TBCD: variants seen among roughly 807,000 people sequenced by gnomAD.
The protein encoded by TBCD is tubulin folding cofactor D.
TBCD carries 105 observed loss-of-function variants against 169.3 expected under a neutral mutation model. The observed-to-expected ratio is 0.62, with a 90% CI of 0.53 to 0.73. The LOEUF is 0.73. Among genes scored for constraint, TBCD ranks in the 30% least tolerant of loss-of-function variants. The probability of loss-of-function intolerance (pLI) is 0.00; values close to 1 mark genes in which losing one functional copy is unlikely to be tolerated. For synonymous variants in TBCD, 700 were observed against 643.9 expected, an observed-to-expected ratio of 1.09 and a Z score of -1.32; for missense variants, 1,444 against 1,600.1, an observed-to-expected ratio of 0.90 and a Z score of 1.66.
chr17:82,800,841 C>G (rs775761221), intron 8 of TBCD, 23 bp from the exon 9 acceptor site: 1 of 1,607,370 alleles, frequency 6.2e-7, no homozygotes, highest in Non-Finnish European at 8.5e-7. Flanking sequence ...CCTTCCTGCG[C>G]TGAGTCCAGT....
At chr17:82,761,856 G>T (rs1201952927) in intron 2 of TBCD, among the ~76,000 whole-genome samples, 1 of 151,586 alleles carries the variant, frequency 6.6e-6, no homozygotes, top group African/African-American at 2.4e-5. Context: ...CTCCCGAGTA[G>T]CTGGGACTAC....
chr17:82,934,567 G>T (rs1019801921), intron 34 of TBCD, among the ~76,000 whole-genome samples: 4 of 151,986 alleles, frequency 2.6e-5, no homozygotes, highest in African/African-American at 9.7e-5. Flanking sequence ...CTGCCTCCTG[G>T]GTTCAAGTGA....
intron 19 of TBCD, among the ~76,000 whole-genome samples, chr17:82,904,442 G>C (rs1295443769): frequency 6.6e-6 from 1 of 152,224 alleles, no homozygotes; most frequent in East Asian, 1.9e-4. Flanking sequence ...AGCGTGTATA[G>C]AAAGAAAAGG....
chr17:82,937,193 C>T (rs2147481510), intron 34 of TBCD, 78 bp from the exon 35 acceptor site: 1 of 1,384,774 alleles, frequency 7.2e-7, no homozygotes, highest in East Asian at 2.3e-5. Context: ...CGGAGTTGAC[C>T]TTCTTTGAGA....
At chr17:82,823,703 C>T (rs964987441) in intron 13 of TBCD, among the ~76,000 whole-genome samples, 3 of 152,020 alleles carry the variant, frequency 2.0e-5, no homozygotes, top group South Asian at 2.1e-4. Flanking sequence ...ATATGTAATT[C>T]GTCTACCATA....
intron 13 of TBCD, among the ~76,000 whole-genome samples, chr17:82,846,116 A>G (rs1469858713): frequency 6.6e-6 from 1 of 151,330 alleles, no homozygotes; most frequent in African/African-American, 2.4e-5. Flanking sequence ...TTCTAAAGGG[A>G]CTCAGGCCAG....
chr17:82,813,277 C>G (rs1454171975), intron 12 of TBCD, among the ~76,000 whole-genome samples: 2 of 152,216 alleles, frequency 1.3e-5, no homozygotes, highest in African/African-American at 2.4e-5. Context: ...CCTCCTCTCT[C>G]TCTCTCTCTC....
chr17:82,887,182 C>T (rs56265940), intron 15 of TBCD, among the ~76,000 whole-genome samples: 2,158 of 131,016 alleles, frequency 0.016, 31 homozygotes, highest in Middle Eastern at 0.065. Context: ...CGCGCGCGCA[C>T]GTGCGCTCAC....
chr17:82,794,278 G>A (rs919755322), intron 7 of TBCD, among the ~76,000 whole-genome samples: 4 of 152,048 alleles, frequency 2.6e-5, no homozygotes, highest in Admixed American at 6.5e-5. Context: ...TGGCTCGCAC[G>A]TTGCAGAGAA....
chr17:82,909,183 C>T (rs994485728), intron 21 of TBCD, 102 bp from the exon 22 acceptor site: 28 of 1,005,152 alleles, frequency 2.8e-5, no homozygotes, highest in Non-Finnish European at 2.2e-5. Context: ...GGCATGGCAT[C>T]TTCTGCCATT....
intron 22 of TBCD, among the ~76,000 whole-genome samples, chr17:82,910,740 A>G (rs2060579285): frequency 1.3e-5 from 2 of 151,858 alleles, no homozygotes; most frequent in Non-Finnish European, 2.9e-5. Flanking sequence ...TAATTTTTGT[A>G]TTTTTAGGAG....
At chr17:82,776,202 G>C (rs1335403509) in intron 6 of TBCD, among the ~76,000 whole-genome samples, 1 of 152,040 alleles carries the variant, frequency 6.6e-6, no homozygotes, top group Non-Finnish European at 1.5e-5. Context: ...CTGGGCAACA[G>C]AGCAAGACTC....
At chr17:82,753,859 A>G (rs2047252760) in intron 1 of TBCD, among the ~76,000 whole-genome samples, 2 of 138,786 alleles carry the variant, frequency 1.4e-5, no homozygotes, top group African/African-American at 5.5e-5. Context: ...AAGGGAGACT[A>G]GACTAGAGGT....
chr17:82,905,357 C>T (rs181858717), intron 19 of TBCD, among the ~76,000 whole-genome samples: 5 of 152,376 alleles, frequency 3.3e-5, no homozygotes, highest in Admixed American at 2.6e-4. Flanking sequence ...CCGCAGCCTC[C>T]GTCCTGTTGC....
rs1301969514 is a variant in TBCD at position 82,920,600 on chromosome 17, A to C, written c.2083A>C (p.Arg695=). Reference sequence around the variant, plus strand: ...GTTGTCACTTTCCAAAATGCCCTTTAGAGGTGACACCGTAATTGGTAAGTG... The same window carrying C: ...GTTGTCACTTTCCAAAATGCCCTTTCGAGGTGACACCGTAATTGGTAAGTG... ...EKLSLSKMPF[R]GDTVIDGWQW... The change falls in exon 24 of 39, where the codon AGA becomes CGA. Residue 695 remains arginine, a synonymous_variant. Transcript: ENST00000355528. This position sits in a 1 kb window ranked among gnomAD's most constrained non-coding sequence, Gnocchi z 4.1. 23 of 1,549,626 alleles carry C rather than the reference A, an allele frequency of 1.5e-5. No individual in the cohort carries two copies. Among genetic ancestry groups the C allele is most frequent in the Non-Finnish European group, 1.9e-5 (22 of 1,147,532 alleles).
intron 34 of TBCD, chr17:82,933,005 C>A (rs2062332866): frequency 4.1e-6 from 2 of 489,950 alleles, no homozygotes; most frequent in South Asian, 2.1e-5. Context: ...ACTCTCCCCC[C>A]AGCTATCCCA....
intron 1 of TBCD, 26 bp downstream of exon 1, chr17:82,752,403 C>G: frequency 8.3e-7 from 1 of 1,209,812 alleles, no homozygotes; most frequent in Non-Finnish European, 1.0e-6. Context: ...CGCGTGCCCG[C>G]TTCCTCCCCC....
chr17:82,821,498 TG>T, intron 13 of TBCD, among the ~76,000 whole-genome samples: 1 of 152,358 alleles, frequency 6.6e-6, no homozygotes, highest in Middle Eastern at 3.4e-3. Flanking sequence ...TTATACCCAC[TG>T]TGTGGCTAAA....
intron 14 of TBCD, among the ~76,000 whole-genome samples, chr17:82,873,416 G>T (rs1028765238): frequency 1.3e-5 from 2 of 152,138 alleles, no homozygotes; most frequent in East Asian, 1.9e-4. Context: ...ATCACTCATG[G>T]GTTCTCTGTT....
Sources: gnomAD v4.1 joint callset for allele counts (sites outside exome capture counted in the v4.1 genomes callset) on GRCh38, gnomAD v4.1.1 for gene constraint, Gnocchi (gnomAD v3.1) non-coding constraint, MANE v1.5 for transcripts, NCBI Gene and HGNC (gene_info 2026-07-23, HGNC 2026-07-21) for gene names.